Variants in ERBB4 observed in about 807,000 individuals in gnomAD.
ERBB4 encodes erb-b2 receptor tyrosine kinase 4.
A neutral mutation model predicts 158.0 loss-of-function variants in ERBB4; 42 were observed. The observed-to-expected ratio is 0.27, with a 90% CI of 0.21 to 0.34. The LOEUF (loss-of-function observed/expected upper bound fraction) is 0.34, where lower values mean the gene tolerates loss of function less well. Among genes scored for constraint, ERBB4 ranks in the 10% least tolerant of loss-of-function variants. The pLI, the probability that ERBB4 is intolerant of heterozygous loss-of-function variation, is 1.00. For missense variants in ERBB4, 1,333 were observed against 1,624.1 expected, an observed-to-expected ratio of 0.82 and a Z score of 3.08; for synonymous variants, 583 against 558.7, an observed-to-expected ratio of 1.04 and a Z score of -0.61.
chr2:211,756,748 A>T (rs1325398676), intron 4 of ERBB4, among the ~76,000 whole-genome samples: 1 of 152,180 alleles, frequency 6.6e-6, no homozygotes, highest in Non-Finnish European at 1.5e-5. Context: ...CCAAAATGAC[A>T]AAAGTATATA....
intron 3 of ERBB4, among the ~76,000 whole-genome samples, chr2:211,831,824 AC>A (rs2077226222): frequency 6.6e-6 from 1 of 151,968 alleles, no homozygotes; most frequent in Non-Finnish European, 1.5e-5. Flanking sequence ...AATCACTTGA[AC>A]CTGGGAGGCA....
chr2:212,154,232 A>C (rs1260578149), intron 1 of ERBB4, among the ~76,000 whole-genome samples: 1 of 152,174 alleles, frequency 6.6e-6, no homozygotes, highest in Non-Finnish European at 1.5e-5. Context: ...ACTTGTGTAC[A>C]GAGAAGGAAG....
intron 3 of ERBB4, among the ~76,000 whole-genome samples, chr2:211,937,326 TA>T (rs1245851808): frequency 1.3e-5 from 2 of 152,094 alleles, no homozygotes; most frequent in African/African-American, 4.8e-5. Flanking sequence ...ATAATTTTTT[TA>T]AAAAAACTTT....
At chr2:211,963,918 A>G (rs2081248208) in intron 2 of ERBB4, among the ~76,000 whole-genome samples, 1 of 152,220 alleles carries the variant, frequency 6.6e-6, no homozygotes, top group Admixed American at 6.5e-5. Context: ...ACTATTTTAA[A>G]CATAAAAAAT....
chr2:211,540,094 T>C (rs968601270), intron 20 of ERBB4, among the ~76,000 whole-genome samples: 7 of 151,840 alleles, frequency 4.6e-5, no homozygotes, highest in African/African-American at 1.7e-4. Flanking sequence ...ATTGCCTGTG[T>C]AAACAATGAA....
chr2:212,416,817 T>C (rs1039967409), intron 1 of ERBB4, among the ~76,000 whole-genome samples: 1 of 152,062 alleles, frequency 6.6e-6, no homozygotes, highest in Non-Finnish European at 1.5e-5. Context: ...GCAAGTTTTA[T>C]TCAGTGTTTC....
intron 20 of ERBB4, among the ~76,000 whole-genome samples, chr2:211,447,135 T>C (rs1319901147): frequency 1.3e-5 from 2 of 152,216 alleles, no homozygotes; most frequent in Non-Finnish European, 2.9e-5. Flanking sequence ...TCATAACTTC[T>C]ATATTCCTTT....
At chr2:211,970,499 G>T (rs1267108834) in intron 2 of ERBB4, among the ~76,000 whole-genome samples, 15 of 152,122 alleles carry the variant, frequency 9.9e-5, no homozygotes, top group Non-Finnish European at 1.0e-4. Context: ...CACTATTATT[G>T]TGTGGGAATG....
intron 16 of ERBB4, among the ~76,000 whole-genome samples, chr2:211,648,691 T>G (rs886519770): frequency 2.6e-5 from 4 of 151,826 alleles, no homozygotes; most frequent in Non-Finnish European, 5.9e-5. Flanking sequence ...TGATACACAA[T>G]CTAAGATTCA....
intron 19 of ERBB4, among the ~76,000 whole-genome samples, chr2:211,598,578 T>C (rs755366181): frequency 5.3e-5 from 8 of 152,182 alleles, no homozygotes; most frequent in Non-Finnish European, 1.2e-4. Context: ...CTGGTCTAAG[T>C]TTCAGAAGAA....
chr2:212,100,708 G>A (rs1285431324), intron 2 of ERBB4, among the ~76,000 whole-genome samples: 1 of 152,154 alleles, frequency 6.6e-6, no homozygotes, highest in East Asian at 1.9e-4. Flanking sequence ...TAAACGAAGT[G>A]ACTACTGGGA....
At position 212,134,661 on chromosome 2, in the gene ERBB4, TTAACTAAAC is replaced by T. The variant is rs2080212613; in HGVS notation, c.83-9767_83-9759del. On this transcript the variant is annotated intron_variant, in intron 1 of 27. Coordinates refer to ENST00000342788, the MANE Select transcript of ERBB4 (RefSeq NM_005235.3). ...AGTGATAAAACGTAGACTGCTGAAA[TTAACTAAAC>T]ACTTTCTTTTTTTTTTTTTTTTTTT... 2.7e-5 allele frequency among the ~76,000 whole-genome samples: 4 copies of T among 149,536 alleles called. No homozygotes were observed. In the South Asian group the frequency reaches 8.4e-4, roughly 32 times the overall value.
chr2:211,832,686 T>C (rs1489622301), intron 3 of ERBB4, among the ~76,000 whole-genome samples: 2 of 151,030 alleles, frequency 1.3e-5, no homozygotes, highest in Non-Finnish European at 2.9e-5. Flanking sequence ...ATTCTAGTGA[T>C]GGCAATTTCA....
chr2:212,497,713 C>T (rs1038090557), intron 1 of ERBB4, among the ~76,000 whole-genome samples: 1 of 152,010 alleles, frequency 6.6e-6, no homozygotes, highest in Non-Finnish European at 1.5e-5. Flanking sequence ...TAAATGACTA[C>T]AAGATCTGTG....
intron 22 of ERBB4, among the ~76,000 whole-genome samples, chr2:211,425,108 A>G (rs971662464): frequency 6.6e-6 from 1 of 152,078 alleles, no homozygotes; most frequent in African/African-American, 2.4e-5. Context: ...TAATGATTAT[A>G]TAATTTAAGA....
chr2:211,959,164 T>C (rs2081108154), intron 2 of ERBB4, among the ~76,000 whole-genome samples: 1 of 152,086 alleles, frequency 6.6e-6, no homozygotes, highest in Non-Finnish European at 1.5e-5. Flanking sequence ...CAGCCAATTA[T>C]CTATTCTACA....
chr2:211,843,559 G>T (rs1575232792), intron 3 of ERBB4, among the ~76,000 whole-genome samples: 1 of 142,666 alleles, frequency 7.0e-6, no homozygotes, highest in South Asian at 2.4e-4. Flanking sequence ...AAATTTAAAA[G>T]ATAGCTATTC....
At chr2:211,681,158 G>C (rs2072317919) in intron 12 of ERBB4, among the ~76,000 whole-genome samples, 1 of 151,952 alleles carries the variant, frequency 6.6e-6, no homozygotes, top group Non-Finnish European at 1.5e-5. Context: ...ATTATGTTGA[G>C]TTTCATCTAT....
chr2:211,817,034 A>G (rs564809127), intron 3 of ERBB4, among the ~76,000 whole-genome samples: 1 of 152,354 alleles, frequency 6.6e-6, no homozygotes, highest in South Asian at 2.1e-4. Context: ...AATTACATTC[A>G]GCCTGCCTGG....
Sources: allele counts gnomAD v4.1 joint callset (sites outside exome capture counted in the v4.1 genomes callset), GRCh38; gene constraint gnomAD v4.1.1; transcripts MANE v1.5; gene names NCBI Gene and HGNC (gene_info 2026-07-23, HGNC 2026-07-21).